The following SLC2A7 variants were observed in gnomAD, a reference collection of about 807,000 sequenced individuals.
The protein encoded by SLC2A7 is solute carrier family 2 member 7.
SLC2A7 carries 50 observed loss-of-function variants against 50.5 expected under a neutral mutation model. The ratio of observed to expected loss-of-function variants is 0.99; its 90% CI spans 0.79 to 1.25. The LOEUF (loss-of-function observed/expected upper bound fraction) is 1.25, where lower values mean the gene tolerates loss of function less well. SLC2A7 is among the 50% of genes most tolerant of loss of function. The pLI is 0.00. For missense variants in SLC2A7, 683 were observed against 679.1 expected, an observed-to-expected ratio of 1.01 and a Z score of -0.06; for synonymous variants, 308 against 300.4, an observed-to-expected ratio of 1.03 and a Z score of -0.26.
chr1:9,025,593 T>C (rs1640986223), intron 1 of SLC2A7, among the ~76,000 whole-genome samples: 1 of 152,022 alleles, frequency 6.6e-6, no homozygotes, highest in Non-Finnish European at 1.5e-5. Flanking sequence ...CCAGAATGGA[T>C]GAGAGGGAGC....
At chr1:9,017,667 C>A (rs1356656502) in intron 5 of SLC2A7, among the ~76,000 whole-genome samples, 1 of 152,206 alleles carries the variant, frequency 6.6e-6, no homozygotes, top group Non-Finnish European at 1.5e-5. Context: ...GTTTGCATGC[C>A]TTTTCTATTA....
chr1:8,994,340 C>G, the SLC2A7 span, among the ~76,000 whole-genome samples: 1 of 152,150 alleles, frequency 6.6e-6, no homozygotes, highest in Admixed American at 6.5e-5. Flanking sequence ...TCTGTGTAAG[C>G]CAAGCAAAGT....
At position 9,014,867 on chromosome 1, in the gene SLC2A7, A is replaced by T; in HGVS notation, c.717T>A (p.Ala239=). The change falls in exon 7 of 12, where the codon GCT becomes GCA. Residue 239 remains alanine, a splice_region_variant and synonymous_variant. Coordinates refer to ENST00000400906, the MANE Select transcript of SLC2A7 (RefSeq NM_207420.3). ...QKGDEATARQ[A]LRRLRGHTDM... ...CCGTGTGGCCTCTCAGCCTCCTCAGAGCTGCGGAAAGCAGAACCACCCGCT... is the reference window on the plus strand; with the variant it reads ...CCGTGTGGCCTCTCAGCCTCCTCAGTGCTGCGGAAAGCAGAACCACCCGCT... The T allele has an allele frequency of 6.3e-7, 1 of 1,593,554 alleles. No individual in the cohort carries two copies. Among genetic ancestry groups the T allele is most frequent in the Non-Finnish European group, 8.5e-7 (1 of 1,170,492 alleles).
rs772699627 is a variant in SLC2A7, at chr1:9,025,010, C to G, written c.116G>C (p.Gly39Ala). The G allele has an allele frequency of 1.2e-4, 201 of 1,613,510 alleles. No homozygotes were observed. The highest frequency in any genetic ancestry group is 1.7e-4 in the Non-Finnish European group (200 of 1,180,020). Residue 39 changes from glycine (G) to alanine (A), a missense_variant, in exon 2 of 12, where the codon GGC (glycine) becomes GCC (alanine). Physicochemically the swap from Gly to Ala is moderately conservative, Grantham distance 60. Coordinates refer to ENST00000400906, the MANE Select transcript of SLC2A7 (RefSeq NM_207420.3). Reference protein sequence around the residue: ...SAAFGSAFQYGYNLSVVNTPH... With the variant: ...SAAFGSAFQYAYNLSVVNTPH... Reference sequence around the variant, plus strand: ...CGTGTTGACCACAGAGAGGTTGTAGCCGTACTGGAAGGCTGAGCCAAAGGC... The same window carrying G: ...CGTGTTGACCACAGAGAGGTTGTAGGCGTACTGGAAGGCTGAGCCAAAGGC...
chr1:9,004,951 C>A, intron 10 of SLC2A7, 72 bp from the exon 11 acceptor site: 3 of 1,520,874 alleles, frequency 2.0e-6, no homozygotes, highest in Non-Finnish European at 2.7e-6. Flanking sequence ...GGACGCGGCC[C>A]ACTCTAGCCT....
In SLC2A7 at chr1:9,003,525, C is replaced by T; in HGVS notation, c.1321-7G>A. The T allele has an allele frequency of 6.2e-7, 1 of 1,613,350 alleles. No individual in the cohort carries two copies. Among genetic ancestry groups the T allele is most frequent in the Non-Finnish European group, 8.5e-7 (1 of 1,179,354 alleles). On this transcript the variant is annotated splice_region_variant and splice_polypyrimidine_tract_variant and intron_variant, in intron 11 of 11. Transcript: ENST00000400906. ...TGTAGGCACCGATGGCCTCCTAGACCAGGAGACGAGAAAGACAGGAGGGGG... is the reference window on the plus strand; with the variant it reads ...TGTAGGCACCGATGGCCTCCTAGACTAGGAGACGAGAAAGACAGGAGGGGG...
At chr1:9,020,954 T>C (rs1339953355) in intron 3 of SLC2A7, among the ~76,000 whole-genome samples, 1 of 152,182 alleles carries the variant, frequency 6.6e-6, no homozygotes, top group Non-Finnish European at 1.5e-5. Context: ...AGATGTAACT[T>C]GCCCCTCCTT....
chr1:9,018,106 C>A, intron 5 of SLC2A7, 117 bp downstream of exon 5: 4 of 1,414,308 alleles, frequency 2.8e-6, no homozygotes, highest in Non-Finnish European at 3.8e-6. Context: ...CACCACACTG[C>A]CCAACACCTG....
At chr1:9,010,577 C>T (rs1640732995) in intron 8 of SLC2A7, among the ~76,000 whole-genome samples, 1 of 151,880 alleles carries the variant, frequency 6.6e-6, no homozygotes, top group Admixed American at 6.6e-5. Flanking sequence ...AGGCTGGTCT[C>T]GAACTCCTGG....
Position 9,013,585 on chromosome 1 carries a change from A to G in SLC2A7, c.954T>C (p.Ala318=). The part of the protein sequence containing the change: ...TIYTSAGVEA[A]HSQYVTVGSG... ...AGCCCACCGTTACATATTGGGAGTG[A>G]GCGGCCTCCACGCCCGCAGATGTGT... Residue 318 remains alanine, a synonymous_variant, in exon 8 of 12, where the codon GCT becomes GCC. Transcript: ENST00000400906. The G allele has an allele frequency of 6.2e-7, 1 of 1,614,112 alleles. No individual in the cohort carries two copies. The highest frequency in any genetic ancestry group is 8.5e-7 in the Non-Finnish European group (1 of 1,180,010).
In SLC2A7 at chr1:9,014,757, G is replaced by GC. The variant is rs1333028994; in HGVS notation, c.826dup (p.Ala276GlyfsTer223). On this transcript the variant is annotated frameshift_variant, in exon 7 of 12. Transcript: ENST00000400906. LOFTEE classifies it high-confidence loss of function. ...GAGCTGCCAGCGCAGGGACCGCAGG[G>GC]CACAGAGGTGCAGCACAGACAGGTG... 3.1e-6 allele frequency: 5 copies of GC among 1,589,992 alleles called. No individual in the cohort carries two copies. Among genetic ancestry groups the GC allele is most frequent in the Non-Finnish European group, 4.3e-6 (5 of 1,168,954 alleles).
chr1:8,993,667 G>A, the SLC2A7 span, among the ~76,000 whole-genome samples: 10 of 152,116 alleles, frequency 6.6e-5, no homozygotes, highest in South Asian at 2.1e-4. Flanking sequence ...TCGCTCTGTC[G>A]CTCAGGCTGG....
chr1:9,007,221 C>G (rs747098951), intron 10 of SLC2A7, 89 bp downstream of exon 10: 84 of 1,463,146 alleles, frequency 5.7e-5, no homozygotes, highest in Non-Finnish European at 7.9e-5. Context: ...CGTCCATTCA[C>G]TCAGCAAATA....
At position 9,019,315 on chromosome 1, in the gene SLC2A7, G is replaced by C. The variant is rs762194137; in HGVS notation, c.330C>G (p.Ile110Met). The C allele has an allele frequency of 1.4e-5, 23 of 1,613,966 alleles. No homozygotes were observed. The South Asian group carries it at 2.5e-4, about 18-fold the overall frequency. ...CGGGGATGATGGCAAAGATGTTGTT[G>C]ATCAGCAGGGTCCCCTTTCTGCAAA... ...DSCGRKGTLL[I>M]NNIFAIIPAI... The change falls in exon 4 of 12, where the codon ATC becomes ATG. Residue 110 changes from isoleucine (I) to methionine (M), a missense_variant. Ile to Met is a conservative substitution (Grantham distance 10). Transcript: ENST00000400906.
At position 9,003,520 on chromosome 1, in the gene SLC2A7, T is replaced by C. The variant is rs758820781; in HGVS notation, c.1321-2A>G. 1 of 1,613,822 alleles carries C rather than the reference T, an allele frequency of 6.2e-7. No homozygotes were observed. The highest frequency in any genetic ancestry group is 8.5e-7 in the Non-Finnish European group (1 of 1,179,742). ...GAAACTGTAGGCACCGATGGCCTCCTAGACCAGGAGACGAGAAAGACAGGA... is the reference window on the plus strand; with the variant it reads ...GAAACTGTAGGCACCGATGGCCTCCCAGACCAGGAGACGAGAAAGACAGGA... On this transcript the variant is annotated splice_acceptor_variant, in intron 11 of 11. Coordinates refer to ENST00000400906, the MANE Select transcript of SLC2A7 (RefSeq NM_207420.3). LOFTEE classifies it high-confidence loss of function.
chr1:9,009,517 T>C lies in SLC2A7; in HGVS notation c.1116+626A>G, dbSNP rs927309007. ...TGTCCCCCAGGCTGGAGTACAATGG[T>C]GCGATCATGGCTCACTGCAGCCTTG... On this transcript the variant is annotated intron_variant, in intron 9 of 11. Transcript: ENST00000400906. 2.0e-5 allele frequency among the ~76,000 whole-genome samples: 3 copies of C among 152,218 alleles called. No individual in the cohort carries two copies. The South Asian group carries it at 6.2e-4, about 32-fold the overall frequency.
At chr1:9,010,938 T>C (rs61785783) in intron 8 of SLC2A7, among the ~76,000 whole-genome samples, 5,737 of 152,142 alleles carry the variant, frequency 0.038, 363 homozygotes, top group African/African-American at 0.13. Context: ...TGTCTGGGAG[T>C]GAGTGCCTCT....
chr1:8,999,084 T>C (rs181192124), downstream of SLC2A7, among the ~76,000 whole-genome samples: 884 of 152,346 alleles, frequency 5.8e-3, 6 homozygotes, highest in Non-Finnish European at 7.5e-3. Flanking sequence ...TTTCTTCCCT[T>C]CTGGGAAGGT....
intron 4 of SLC2A7, 57 bp downstream of exon 4, chr1:9,019,152 G>C: frequency 1.3e-6 from 2 of 1,579,634 alleles, no homozygotes; most frequent in Admixed American, 3.7e-5. Flanking sequence ...CCTGCTTCCA[G>C]CCTTGGCCAA....
Sources: allele counts gnomAD v4.1 joint callset (sites outside exome capture counted in the v4.1 genomes callset), GRCh38; gene constraint gnomAD v4.1.1; transcripts MANE v1.5; gene names NCBI Gene and HGNC (gene_info 2026-07-23, HGNC 2026-07-21).